The following SEMA5A variants were observed in gnomAD, a reference collection of about 807,000 sequenced individuals.
The protein encoded by SEMA5A is semaphorin-5A.
SEMA5A carries 55 observed loss-of-function variants against 135.5 expected under a neutral mutation model. The observed-to-expected ratio is 0.41, with a 90% CI of 0.33 to 0.51. The LOEUF is 0.51. SEMA5A is among the 20% of genes least tolerant of loss of function. The pLI is 0.37. For missense variants in SEMA5A, 1,290 were observed against 1,419.9 expected (o/e 0.91, Z 1.47); for synonymous variants, 580 against 546.5 (o/e 1.06, Z -0.85).
rs1019841352 is a variant in SEMA5A at position 9,052,927 on chromosome 5, G to C, written c.2690-899C>G. On this transcript the variant is annotated intron_variant, in intron 19 of 22. Transcript: ENST00000382496. ...AGAAGCATCCACTTTGTAGTGGCAG[G>C]GAAAATTTGAAAATCAAACTTGTGC... Among the ~76,000 whole-genome samples, 17 of 152,244 alleles carry C rather than the reference G, an allele frequency of 1.1e-4. No individual in the cohort carries two copies. The Middle Eastern group carries it at 0.014, about 122-fold the overall frequency.
At chr5:9,160,038 A>T (rs1743165667) in intron 11 of SEMA5A, among the ~76,000 whole-genome samples, 1 of 151,946 alleles carries the variant, frequency 6.6e-6, no homozygotes, top group African/African-American at 2.4e-5. Context: ...GACAACACAC[A>T]CCAGGGCCTG....
At chr5:9,062,526 C>G (rs1010925487) in intron 18 of SEMA5A, among the ~76,000 whole-genome samples, 15 of 152,132 alleles carry the variant, frequency 9.9e-5, no homozygotes, top group African/African-American at 3.6e-4. Context: ...AGTGCAGTGG[C>G]CTGATGATGG....
chr5:9,458,898 C>T (rs1421546694), intron 1 of SEMA5A, among the ~76,000 whole-genome samples: 2 of 152,252 alleles, frequency 1.3e-5, no homozygotes, highest in Admixed American at 6.5e-5. Flanking sequence ...TCCTTTAATG[C>T]CCCCAGGGAC....
chr5:9,310,282 A>T (rs1424732163), intron 5 of SEMA5A, among the ~76,000 whole-genome samples: 2 of 152,154 alleles, frequency 1.3e-5, no homozygotes, highest in Non-Finnish European at 2.9e-5. Context: ...ATTCCAAATA[A>T]AACTTCATTA....
chr5:9,368,472 T>C (rs1162559969), intron 3 of SEMA5A, among the ~76,000 whole-genome samples: 1 of 152,226 alleles, frequency 6.6e-6, no homozygotes, highest in East Asian at 1.9e-4. Context: ...TTTTAACAAA[T>C]GTATAAAACC....
At chr5:9,535,681 T>A (rs1737722933) in intron 1 of SEMA5A, among the ~76,000 whole-genome samples, 1 of 150,068 alleles carries the variant, frequency 6.7e-6, no homozygotes, top group Non-Finnish European at 1.5e-5. Context: ...CTTTGAGGAG[T>A]AAGGAGGCGA....
intron 5 of SEMA5A, among the ~76,000 whole-genome samples, chr5:9,292,786 G>A (rs1751150516): frequency 6.6e-6 from 1 of 152,102 alleles, no homozygotes; most frequent in Non-Finnish European, 1.5e-5. Flanking sequence ...AACCAGGTGC[G>A]ATTTTGCACC....
At chr5:9,177,347 T>C (rs1417733796) in intron 11 of SEMA5A, among the ~76,000 whole-genome samples, 2 of 152,184 alleles carry the variant, frequency 1.3e-5, no homozygotes, top group Non-Finnish European at 2.9e-5. Flanking sequence ...GATGGAGTCA[T>C]TTCAGATGTT....
At position 9,042,867 on chromosome 5, in the gene SEMA5A, A is replaced by C. The variant is rs909034294; in HGVS notation, c.*30T>G. On this transcript the variant is annotated 3_prime_UTR_variant, in exon 23 of 23. Coordinates refer to ENST00000382496, the MANE Select transcript of SEMA5A (RefSeq NM_003966.3). ...GGGCACAGGCCTTGAGGAACTGGGG[A>C]TTTACAAGAAGCCAAAAACATGAAA... 4 of 1,613,174 alleles carry C rather than the reference A, an allele frequency of 2.5e-6. No individual in the cohort carries two copies. The highest frequency in any genetic ancestry group is 3.4e-6 in the Non-Finnish European group (4 of 1,179,514).
Position 9,202,086 on chromosome 5 carries a change from G to C in SEMA5A, c.801C>G (p.Thr267=), listed in dbSNP as rs1169344367. ...DIGGRFLLED[T]WTTFMKARLN... is the part of the protein sequence containing the mutation. The stretch of plus-strand genomic sequence containing the variant: ...GGCGAGCCTTCATGAATGTGGTCCA[G>C]GTGTCTTCCAGCAGGAAGCGCCCAC... The change falls in exon 9 of 23, where the codon ACC becomes ACG. Residue 267 remains threonine, a synonymous_variant. Coordinates refer to ENST00000382496, the MANE Select transcript of SEMA5A (RefSeq NM_003966.3). 8 of 1,614,072 alleles carry C rather than the reference G, an allele frequency of 5.0e-6. No homozygotes were observed. The highest frequency in any genetic ancestry group is 5.9e-6 in the Non-Finnish European group (7 of 1,180,040).
At chr5:9,506,371 C>T (rs1234455294) in intron 1 of SEMA5A, among the ~76,000 whole-genome samples, 2 of 152,132 alleles carry the variant, frequency 1.3e-5, no homozygotes, top group African/African-American at 4.8e-5. Flanking sequence ...GGGTGACTCC[C>T]AAATTATTTT....
rs75512717 is a variant in SEMA5A, at chr5:9,542,355, G to A, written c.-175+3229C>T. On this transcript the variant is annotated intron_variant, in intron 1 of 22. Coordinates refer to ENST00000382496, the MANE Select transcript of SEMA5A (RefSeq NM_003966.3). ...CATCTCAATTTTAAAAGGTTGCTGA[G>A]AACATATGTGAAATTATCTATGTTG... Among the ~76,000 whole-genome samples the A allele has an allele frequency of 9.8e-3, 1,489 of 152,272 alleles. 20 individuals are homozygous for A. Among genetic ancestry groups the A allele is most frequent in the African/African-American group, 0.033 (1,376 of 41,534 alleles).
chr5:9,208,637 G>A (rs529784679), intron 8 of SEMA5A, among the ~76,000 whole-genome samples: 1 of 152,160 alleles, frequency 6.6e-6, no homozygotes, highest in South Asian at 2.1e-4. Flanking sequence ...GGAGCAGCCT[G>A]GGAGAAGACC....
At chr5:9,522,307 G>A (rs982366305) in intron 1 of SEMA5A, among the ~76,000 whole-genome samples, 6 of 152,328 alleles carry the variant, frequency 3.9e-5, no homozygotes, top group Admixed American at 2.0e-4. Flanking sequence ...AGTAGGAGGG[G>A]AACGGTGGCT....
At chr5:9,170,437 G>A (rs767563419) in intron 11 of SEMA5A, among the ~76,000 whole-genome samples, 4 of 152,084 alleles carry the variant, frequency 2.6e-5, no homozygotes, top group Non-Finnish European at 4.4e-5. Context: ...ATTAAAAAAT[G>A]AGAGACAGGA....
At chr5:9,149,309 T>C (rs78930569) in intron 12 of SEMA5A, among the ~76,000 whole-genome samples, 2,775 of 152,266 alleles carry the variant, frequency 0.018, 43 homozygotes, top group Non-Finnish European at 0.026. Flanking sequence ...TTTGCCAACA[T>C]GCTGATCCAC....
intron 2 of SEMA5A, among the ~76,000 whole-genome samples, chr5:9,416,836 A>G (rs1459487575): frequency 6.6e-6 from 1 of 152,164 alleles, no homozygotes; most frequent in Non-Finnish European, 1.5e-5. Context: ...ATGCTGATAA[A>G]TTTCCTATAA....
At chr5:9,456,287 T>C (rs1758831843) in intron 1 of SEMA5A, among the ~76,000 whole-genome samples, 1 of 152,148 alleles carries the variant, frequency 6.6e-6, no homozygotes, top group African/African-American at 2.4e-5. Flanking sequence ...TCTCCCTACC[T>C]GGGAGGTTTA....
chr5:9,365,038 T>C (rs1754855640), intron 3 of SEMA5A, among the ~76,000 whole-genome samples: 1 of 152,200 alleles, frequency 6.6e-6, no homozygotes, highest in South Asian at 2.1e-4. Flanking sequence ...GTATACATTT[T>C]ATTTACTCAC....
Sources: allele counts gnomAD v4.1 joint callset (sites outside exome capture counted in the v4.1 genomes callset), GRCh38; gene constraint gnomAD v4.1.1; transcripts MANE v1.5; gene names NCBI Gene and HGNC (gene_info 2026-07-23, HGNC 2026-07-21).